The following GNA12 variants were observed in gnomAD, a reference collection of about 807,000 sequenced individuals.
The protein encoded by GNA12 is G protein subunit alpha 12, also known as guanine nucleotide-binding protein subunit alpha-12.
GNA12 carries 9 observed loss-of-function variants against 26.0 expected under a neutral mutation model. That is an observed-to-expected ratio of 0.35 (90% confidence interval 0.21 to 0.60). The LOEUF (loss-of-function observed/expected upper bound fraction) is 0.60. Ranked by LOEUF, GNA12 falls within the 20% of genes least tolerant of loss-of-function variation. The probability of loss-of-function intolerance (pLI) is 0.78; values close to 1 mark genes in which losing one functional copy is unlikely to be tolerated. For synonymous variants in GNA12, 264 were observed against 219.6 expected, an observed-to-expected ratio of 1.20 and a Z score of -1.79; for missense variants, 405 against 525.8, an observed-to-expected ratio of 0.77 and a Z score of 2.25.
intron 1 of GNA12, among the ~76,000 whole-genome samples, chr7:2,834,825 T>C (rs371149713): frequency 1.9e-4 from 29 of 152,270 alleles, no homozygotes; most frequent in Non-Finnish European, 3.1e-4. Context: ...CTGGGAGCAA[T>C]AGGCCTAGGT....
intron 1 of GNA12, among the ~76,000 whole-genome samples, chr7:2,806,591 A>G (rs1423621842): frequency 6.6e-6 from 1 of 152,218 alleles, no homozygotes; most frequent in Admixed American, 6.5e-5. Context: ...AAATCCTTAA[A>G]AATATCACTA....
rs140611616 is a variant in GNA12, at chr7:2,733,161, G to T, written c.576+290C>A. Among the ~76,000 whole-genome samples the T allele has an allele frequency of 1.1e-3, 171 of 152,290 alleles. 1 individual carries two copies. The highest frequency in any genetic ancestry group is 4.0e-3 in the African/African-American group (168 of 41,544). ...GGGTTTCATTAGACTATTTGTTTTT[G>T]AGTATGTTTGAATTTTCCATGAGAT... is the stretch of plus-strand genomic sequence containing the variant. On this transcript the variant is annotated intron_variant, in intron 3 of 3. Transcript: ENST00000275364.
chr7:2,794,717 T>C lies in GNA12; in HGVS notation c.525+211A>G. ...ATTCCCAGAAGAAAGCTATTGATCT[T>C]ACCTGAGTGGCTCTTGCTCCTTCCC... On this transcript the variant is annotated intron_variant, in intron 2 of 3. Transcript: ENST00000275364. 13 of 587,282 alleles carry C rather than the reference T, an allele frequency of 2.2e-5. No homozygotes were observed. In the South Asian group the frequency reaches 2.6e-4, roughly 12 times the overall value. 36.4% of individuals were successfully genotyped at this position (587,282 alleles called of 1,614,324 possible).
At chr7:2,765,860 A>G (rs1337646574) in intron 2 of GNA12, among the ~76,000 whole-genome samples, 1 of 150,052 alleles carries the variant, frequency 6.7e-6, no homozygotes, top group Non-Finnish European at 1.5e-5. Flanking sequence ...CGAACTCCTG[A>G]CCTCGTGATC....
At chr7:2,776,551 C>T (rs1047446065) in intron 2 of GNA12, among the ~76,000 whole-genome samples, 66 of 152,154 alleles carry the variant, frequency 4.3e-4, no homozygotes, top group African/African-American at 1.5e-3. Flanking sequence ...CGTCCCCATT[C>T]GATGTTCCTG....
chr7:2,759,803 C>T (rs530178481), intron 2 of GNA12, among the ~76,000 whole-genome samples: 1 of 152,266 alleles, frequency 6.6e-6, no homozygotes, highest in East Asian at 1.9e-4. Flanking sequence ...AGGGCTGGGC[C>T]GCTCCCTCCA....
chr7:2,794,119 T>C (rs201457949), intron 2 of GNA12, among the ~76,000 whole-genome samples: 2 of 152,112 alleles, frequency 1.3e-5, no homozygotes, highest in East Asian at 3.9e-4. Context: ...AAATGACTTA[T>C]ATGAAGGTTA....
At chr7:2,762,625 C>G (rs368691766) in intron 2 of GNA12, 2 of 1,572,458 alleles carry the variant, frequency 1.3e-6, no homozygotes, top group African/African-American at 2.7e-5. Context: ...GGATAAGACC[C>G]CAATGCCATG....
Position 2,814,298 on chromosome 7 carries a change from G to T in GNA12, c.310-19155C>A, listed in dbSNP as rs776952704. The stretch of plus-strand genomic sequence containing the variant: ...GAGATCTGTGGCCGAGGAGTTGAAC[G>T]GAGTGAGACTCACCCTGGACCCAGG... On this transcript the variant is annotated intron_variant, in intron 1 of 3. Coordinates refer to ENST00000275364, the MANE Select transcript of GNA12 (RefSeq NM_007353.3). 7 of 1,418,886 alleles carry T rather than the reference G, an allele frequency of 4.9e-6. No individual in the cohort carries two copies. In the Admixed American group the frequency reaches 5.0e-5, roughly 10 times the overall value. 87.9% of individuals were successfully genotyped at this position (1,418,886 alleles called of 1,614,324 possible).
At chr7:2,767,195 C>T (rs1791829489) in intron 2 of GNA12, among the ~76,000 whole-genome samples, 1 of 152,198 alleles carries the variant, frequency 6.6e-6, no homozygotes, top group East Asian at 1.9e-4. Flanking sequence ...GCTGCCTTCT[C>T]ACTCTGTTGA....
At chr7:2,754,395 G>A (rs1401513926) in intron 2 of GNA12, among the ~76,000 whole-genome samples, 1 of 152,122 alleles carries the variant, frequency 6.6e-6, no homozygotes, top group African/African-American at 2.4e-5. Context: ...TGTCGGATAT[G>A]TAGTCAGCAA....
intron 1 of GNA12, among the ~76,000 whole-genome samples, chr7:2,821,647 T>A (rs1468069273): frequency 6.6e-6 from 1 of 152,186 alleles, no homozygotes; most frequent in East Asian, 1.9e-4. Context: ...TTTTCTCAGC[T>A]CCCTGCTCCT....
chr7:2,800,613 T>A (rs1487337539), intron 1 of GNA12, among the ~76,000 whole-genome samples: 1 of 152,138 alleles, frequency 6.6e-6, no homozygotes, highest in East Asian at 1.9e-4. Context: ...ACCACGGCAA[T>A]GTAAGTTCCA....
rs879083916 is a variant in GNA12 at position 2,795,042 on chromosome 7, C to T, written c.411G>A (p.Lys137=). Reference sequence around the variant, plus strand: ...TGGCCGGCTCCACAGGCAGCCCCGCCTTGTTCTCGAAGGCCATCAGGAACA... The same window carrying T: ...TGGCCGGCTCCACAGGCAGCCCCGCTTTGTTCTCGAAGGCCATCAGGAACA... The part of the protein sequence containing the change: ...HGMFLMAFEN[K]AGLPVEPATF... The change falls in exon 2 of 4, where the codon AAG becomes AAA. Residue 137 remains lysine (K), a synonymous_variant. Coordinates refer to ENST00000275364, the MANE Select transcript of GNA12 (RefSeq NM_007353.3). The T allele has an allele frequency of 6.2e-7, 1 of 1,614,104 alleles. No individual in the cohort carries two copies. The highest frequency in any genetic ancestry group is 8.5e-7 in the Non-Finnish European group (1 of 1,179,942).
intron 2 of GNA12, among the ~76,000 whole-genome samples, chr7:2,741,112 T>G (rs1299086920): frequency 6.6e-6 from 1 of 152,020 alleles, no homozygotes; most frequent in Non-Finnish European, 1.5e-5. Context: ...GATTCTTCAT[T>G]TGTATCACAG....
At chr7:2,835,889 C>T in intron 1 of GNA12, 1 of 557,830 alleles carries the variant, frequency 1.8e-6, no homozygotes, top group South Asian at 1.7e-5. Flanking sequence ...TTAGAAGCAG[C>T]AAATAAAAAT....
At chr7:2,770,343 G>T (rs1213375104) in intron 2 of GNA12, among the ~76,000 whole-genome samples, 3 of 152,018 alleles carry the variant, frequency 2.0e-5, no homozygotes, top group Non-Finnish European at 2.9e-5. Context: ...TTTAAATTTA[G>T]GCTCAAATTG....
intron 2 of GNA12, among the ~76,000 whole-genome samples, chr7:2,739,916 G>A (rs371441540): frequency 5.9e-5 from 9 of 152,094 alleles, no homozygotes; most frequent in South Asian, 2.1e-4. Flanking sequence ...CCAGTGATCC[G>A]CCCGCCTTGG....
intron 2 of GNA12, among the ~76,000 whole-genome samples, chr7:2,734,237 G>A (rs1790045366): frequency 1.3e-5 from 2 of 152,202 alleles, no homozygotes; most frequent in South Asian, 4.2e-4. Context: ...GGAGGAGCCG[G>A]GAGAGCGCAA....
Sources: gnomAD v4.1 joint callset for allele counts (sites outside exome capture counted in the v4.1 genomes callset) on GRCh38, gnomAD v4.1.1 for gene constraint, MANE v1.5 for transcripts, NCBI Gene and HGNC (gene_info 2026-07-23, HGNC 2026-07-21) for gene names.